The following PEX5 variants were observed in gnomAD, a reference collection of about 807,000 sequenced individuals.
PEX5 encodes peroxisomal biogenesis factor 5.
In PEX5, 52 loss-of-function variants were observed where a neutral mutation model predicts 82.9. That is an observed-to-expected ratio of 0.63 (90% CI 0.50 to 0.79). PEX5 has a LOEUF of 0.79. PEX5 is among the 30% of genes least tolerant of loss of function. The probability of loss-of-function intolerance (pLI) is 0.00; values close to 1 mark genes in which losing one functional copy is unlikely to be tolerated. For missense variants in PEX5, 719 were observed against 815.2 expected, an observed-to-expected ratio of 0.88 and a Z score of 1.44; for synonymous variants, 300 against 318.8, an observed-to-expected ratio of 0.94 and a Z score of 0.63.
At position 7,189,790 on chromosome 12, in the gene PEX5, T is replaced by C. The variant is rs796452917; in HGVS notation, c.-17+40T>C. The C allele has an allele frequency of 2.1e-4, 37 of 174,856 alleles. No individual in the cohort carries two copies. The highest frequency in any genetic ancestry group is 3.8e-4 in the South Asian group (2 of 5,220). The allele number at this position is 174,856 out of a possible 1,614,324, so 10.8% of individuals were successfully genotyped here. A position where few individuals can be genotyped will look rare whatever the true frequency, so the allele number is the denominator to read the frequency against. On this transcript the variant is annotated intron_variant, in intron 1 of 15. Coordinates refer to ENST00000675855, the MANE Select transcript of PEX5 (RefSeq NM_001351132.2). ...CCGAGGGGGCCCGGGGCCGCGTCCC[T>C]GGGCCCTCCCCACCCTTGCGGTGGC...
At chr12:7,197,235 GTAA>G (rs1416594581) in intron 5 of PEX5, among the ~76,000 whole-genome samples, 6 of 11,814 alleles carry the variant, frequency 5.1e-4, no homozygotes, top group African/African-American at 1.3e-3. Context: ...TATGTCATAT[GTAA>G]TAATTATATG....
At chr12:7,217,893 T>G (rs901422863) in intron 17 of PEX5, among the ~76,000 whole-genome samples, 8 of 152,176 alleles carry the variant, frequency 5.3e-5, no homozygotes, top group Non-Finnish European at 1.0e-4. Flanking sequence ...GCCTTTACCC[T>G]AAGTCCCTTC....
chr12:7,202,095 C>G, intron 7 of PEX5, 146 bp from the exon 8 acceptor site: 1 of 1,297,092 alleles, frequency 7.7e-7, no homozygotes, highest in Non-Finnish European at 1.1e-6. Context: ...TTTTTGCTCT[C>G]TACCTCTTTT....
chr12:7,218,176 A>G (rs1203790650), intron 17 of PEX5, among the ~76,000 whole-genome samples: 1 of 152,206 alleles, frequency 6.6e-6, no homozygotes, highest in Non-Finnish European at 1.5e-5. Flanking sequence ...TTATTATGAT[A>G]GTGACCTATC....
chr12:7,197,515 AATT>A (rs1942953627), intron 5 of PEX5, among the ~76,000 whole-genome samples: 1 of 95,720 alleles, frequency 1.0e-5, no homozygotes, highest in Admixed American at 1.3e-4. Flanking sequence ...ATAATGTAAT[AATT>A]ATATGTTATA....
At chr12:7,217,215 G>A (rs1188222878) in intron 17 of PEX5, among the ~76,000 whole-genome samples, 5 of 152,228 alleles carry the variant, frequency 3.3e-5, no homozygotes, top group African/African-American at 9.6e-5. Context: ...TAAAGGGCAA[G>A]TGCATTTAAA....
Position 7,197,321 on chromosome 12 carries a change from CAT to C in PEX5, c.449-1686_449-1685del, listed in dbSNP as rs1287372919. Among the ~76,000 whole-genome samples the C allele has an allele frequency of 8.1e-5, 10 of 123,314 alleles. 2 individuals are homozygous for C. The highest frequency in any genetic ancestry group is 2.6e-4 in the African/African-American group (8 of 30,844). 80.9% of individuals were successfully genotyped at this position (123,314 alleles called of 152,430 possible). On this transcript the variant is annotated intron_variant, in intron 5 of 15. Coordinates refer to ENST00000675855, the MANE Select transcript of PEX5 (RefSeq NM_001351132.2). The stretch of plus-strand genomic sequence containing the variant: ...TGTCATATATAATGTAATCATATGT[CAT>C]ATACAATGTAATAATTATATATGTC...
chr12:7,197,535 G>GTAA (rs71067163), intron 5 of PEX5, among the ~76,000 whole-genome samples: 61,551 of 116,364 alleles, frequency 0.53, 19,323 homozygotes, highest in Admixed American at 0.68. Flanking sequence ...TATATATAAT[G>GTAA]TAATTATATA....
intron 6 of PEX5, among the ~76,000 whole-genome samples, chr12:7,201,135 GCACACACACACA>G (rs113517645): frequency 3.3e-5 from 4 of 121,768 alleles, no homozygotes; most frequent in Admixed American, 1.0e-4. Flanking sequence ...ATGTGTGCGT[GCACACACACACA>G]CGCACACACA....
chr12:7,196,001 A>G (rs1202742406), intron 5 of PEX5, among the ~76,000 whole-genome samples: 3 of 127,238 alleles, frequency 2.4e-5, no homozygotes, highest in Non-Finnish European at 3.2e-5. Context: ...AAAATTGCCA[A>G]CCATATTTCT....
chr12:7,218,474 TG>T (rs1945842249), exon 18 of PEX5: 1 of 152,238 alleles, frequency 6.6e-6, no homozygotes, highest in African/African-American at 2.4e-5. Flanking sequence ...GAACTCATAT[TG>T]GATTCTCTAC....
chr12:7,213,793 T>C (rs902683341), downstream of PEX5, among the ~76,000 whole-genome samples: 74 of 147,866 alleles, frequency 5.0e-4, no homozygotes, highest in African/African-American at 1.8e-3. Context: ...ACAGGCAACC[T>C]ACAAAATGGG....
downstream of PEX5, among the ~76,000 whole-genome samples, chr12:7,212,102 A>T (rs78876669): frequency 0.15 from 22,326 of 151,500 alleles, 2,070 homozygotes; most frequent in Non-Finnish European, 0.2. Context: ...AGTAGATGGG[A>T]TTACAGGCAT....
In PEX5 at chr12:7,191,703, G is replaced by T; in HGVS notation, c.448+3G>T. 1.2e-6 allele frequency: 2 copies of T among 1,613,308 alleles called. No individual in the cohort carries two copies. The highest frequency in any genetic ancestry group is 1.7e-6 in the Non-Finnish European group (2 of 1,179,324). ...AGAATTCATCTCTGAAGTTACAGGT[G>T]AAACTTGTTATGGGAAAATCTATAT... is the stretch of plus-strand genomic sequence containing the variant. On this transcript the variant is annotated splice_donor_region_variant and intron_variant, in intron 5 of 15. Coordinates refer to ENST00000675855, the MANE Select transcript of PEX5 (RefSeq NM_001351132.2).
chr12:7,203,680 A>G, intron 10 of PEX5, 129 bp downstream of exon 10: 2 of 879,598 alleles, frequency 2.3e-6, no homozygotes, highest in Non-Finnish European at 3.6e-6. Flanking sequence ...AGAAGTCTGA[A>G]TAATTCCCTT....
At chr12:7,190,079 C>T in intron 1 of PEX5, 13 of 1,496,772 alleles carry the variant, frequency 8.7e-6, no homozygotes, top group Non-Finnish European at 1.1e-5. Context: ...GTCCAGGCCC[C>T]TTTGTGGAGG....
At chr12:7,208,414 C>A in intron 12 of PEX5, 43 bp from the exon 13 acceptor site, 1 of 1,450,080 alleles carries the variant, frequency 6.9e-7, no homozygotes, top group Non-Finnish European at 9.7e-7. Flanking sequence ...GTGCCAGTGT[C>A]AGTCATTGCA....
intron 5 of PEX5, among the ~76,000 whole-genome samples, chr12:7,198,550 C>T (rs1943162615): frequency 1.3e-5 from 2 of 152,100 alleles, no homozygotes; most frequent in Non-Finnish European, 2.9e-5. Flanking sequence ...AAATAAGGCT[C>T]CTTTGGCCGG....
chr12:7,210,249 G>A lies in PEX5; in HGVS notation c.*26G>A. 2.5e-6 allele frequency: 4 copies of A among 1,606,552 alleles called. No individual in the cohort carries two copies. Among genetic ancestry groups the A allele is most frequent in the Non-Finnish European group, 3.4e-6 (4 of 1,173,808 alleles). On this transcript the variant is annotated 3_prime_UTR_variant, in exon 16 of 16. Transcript: ENST00000675855. ...CAGTGGGACGGGCTGCCCTGTGAGTGTCCACCTGGAGGGATCCCCGCTTTG... is the reference window on the plus strand; with the variant it reads ...CAGTGGGACGGGCTGCCCTGTGAGTATCCACCTGGAGGGATCCCCGCTTTG...
Sources: gnomAD v4.1 joint callset for allele counts (sites outside exome capture counted in the v4.1 genomes callset) on GRCh38, gnomAD v4.1.1 for gene constraint, MANE v1.5 for transcripts, NCBI Gene and HGNC (gene_info 2026-07-23, HGNC 2026-07-21) for gene names.